The following AHCY variants were observed in gnomAD, a reference collection of about 807,000 sequenced individuals.
The protein encoded by AHCY is S-adenosyl-L-homocysteine hydrolase.
Under a neutral mutation model 45.4 loss-of-function variants are expected in AHCY, and 24 were observed. The ratio of observed to expected loss-of-function variants is 0.53; its 90% CI spans 0.38 to 0.74. The LOEUF (loss-of-function observed/expected upper bound fraction) is 0.74. AHCY is among the 30% of genes least tolerant of loss of function. AHCY has a pLI of 0.00. For synonymous variants in AHCY, 245 were observed against 235.1 expected, an observed-to-expected ratio of 1.04 and a Z score of -0.39; for missense variants, 449 against 594.1, an observed-to-expected ratio of 0.76 and a Z score of 2.54.
intron 1 of AHCY, among the ~76,000 whole-genome samples, chr20:34,295,849 G>A (rs2036562511): frequency 6.6e-6 from 1 of 152,092 alleles, no homozygotes; most frequent in Non-Finnish European, 1.5e-5. Context: ...ACATAAAGAA[G>A]CGTCCCTTTG....
At position 34,303,308 on chromosome 20, in the gene AHCY, TG is replaced by T. The variant is rs1252356467; in HGVS notation, c.-39del. ...CGTGATGGAAACGGGCGAAGGGGGCTGGGCCTCAGTCTGGGAACAGGAACTG... is the reference window on the plus strand; with the variant it reads ...CGTGATGGAAACGGGCGAAGGGGGCTGGCCTCAGTCTGGGAACAGGAACTG... On this transcript the variant is annotated 5_prime_UTR_variant, in exon 1 of 10. Coordinates refer to ENST00000217426, the MANE Select transcript of AHCY (RefSeq NM_000687.4). 17 of 1,551,582 alleles carry T rather than the reference TG, an allele frequency of 1.1e-5. No individual in the cohort carries two copies. The highest frequency in any genetic ancestry group is 1.5e-5 in the Non-Finnish European group (17 of 1,146,966).
chr20:34,299,582 C>T (rs770163025), intron 1 of AHCY, among the ~76,000 whole-genome samples: 10 of 152,164 alleles, frequency 6.6e-5, no homozygotes, highest in Non-Finnish European at 1.5e-4. Context: ...TATTTATATC[C>T]AGCCCAAACT....
At chr20:34,269,023 C>T in the AHCY span, 12 of 1,608,122 alleles carry the variant, frequency 7.5e-6, no homozygotes, top group African/African-American at 2.7e-5. Flanking sequence ...TGGTGCGGCC[C>T]CGGACCCCCC....
At chr20:34,262,824 CTT>C in the AHCY span, 1 of 1,613,838 alleles carries the variant, frequency 6.2e-7, no homozygotes, top group East Asian at 2.2e-5. Context: ...TTTTGTCTCT[CTT>C]TGAAGCGCTG....
the AHCY span, chr20:34,250,169 G>A: frequency 1.3e-5 from 2 of 152,224 alleles, no homozygotes; most frequent in East Asian, 3.9e-4. Flanking sequence ...GACTAACTGA[G>A]CCCAGTCACC....
the AHCY span, among the ~76,000 whole-genome samples, chr20:34,270,397 T>C: frequency 6.6e-6 from 1 of 152,216 alleles, no homozygotes. Flanking sequence ...TTTTCTGTTA[T>C]TTAGGTTGCA....
At chr20:34,310,701 T>G (rs183584302) in intron 1 of AHCY, among the ~76,000 whole-genome samples, 138 of 152,346 alleles carry the variant, frequency 9.1e-4, no homozygotes, top group Middle Eastern at 6.8e-3. Flanking sequence ...ATTTTTTTGT[T>G]TAAATGAGCT....
upstream of AHCY, among the ~76,000 whole-genome samples, chr20:34,304,031 G>T (rs931424751): frequency 6.6e-6 from 1 of 152,150 alleles, no homozygotes; most frequent in Non-Finnish European, 1.5e-5. Context: ...GTTGCCATTT[G>T]TCAGGTACCT....
chr20:34,292,300 G>A (rs892414163), intron 4 of AHCY, 58 bp downstream of exon 4: 2 of 1,587,304 alleles, frequency 1.3e-6, no homozygotes, highest in African/African-American at 2.7e-5. Context: ...CCATCATGTG[G>A]GCAAACAGGC....
chr20:34,293,704 C>T, intron 3 of AHCY: 1 of 362,754 alleles, frequency 2.8e-6, no homozygotes, highest in South Asian at 2.2e-5. Flanking sequence ...TTGGTCCTTC[C>T]TCAGTCCTTT....
intron 9 of AHCY, among the ~76,000 whole-genome samples, chr20:34,283,267 T>C (rs1568785553): frequency 6.6e-6 from 1 of 152,190 alleles, no homozygotes. Flanking sequence ...AGCTAGGTTC[T>C]ATTCCTGGCC....
the AHCY span, among the ~76,000 whole-genome samples, chr20:34,258,660 T>G: frequency 8.9e-6 from 1 of 112,014 alleles, no homozygotes; most frequent in Non-Finnish European, 1.8e-5. Context: ...GTTAATATCT[T>G]AGAAGGGGGA....
At chr20:34,302,906 G>A (rs1377566515) in intron 1 of AHCY, 15 of 985,454 alleles carry the variant, frequency 1.5e-5, no homozygotes, top group Non-Finnish European at 1.7e-5. Flanking sequence ...GCCGGGCGCA[G>A]GCCCCCCGAG....
chr20:34,302,509 TA>T, intron 1 of AHCY: 1 of 758,298 alleles, frequency 1.3e-6, no homozygotes, highest in Non-Finnish European at 1.6e-6. Flanking sequence ...ATTCTCATCA[TA>T]AAATGAGAAC....
At chr20:34,302,754 C>A (rs2036820700) in intron 1 of AHCY, 3 of 990,854 alleles carry the variant, frequency 3.0e-6, no homozygotes, top group East Asian at 1.1e-4. Flanking sequence ...AGAGGAGGAT[C>A]GGAGCCGGCC....
the AHCY span, among the ~76,000 whole-genome samples, chr20:34,258,760 GAT>G: frequency 1.4e-5 from 1 of 70,316 alleles, no homozygotes; most frequent in Non-Finnish European, 2.7e-5. Context: ...TATAATATAT[GAT>G]ATATATAATA....
chr20:34,258,911 T>TACAC, the AHCY span, among the ~76,000 whole-genome samples: 35 of 129,546 alleles, frequency 2.7e-4, no homozygotes, highest in African/African-American at 1.1e-3. Context: ...TATATATATA[T>TACAC]ACACACATAC....
the AHCY span, among the ~76,000 whole-genome samples, chr20:34,258,682 T>TATATATATATATATATATATATATAC: frequency 4.2e-5 from 3 of 71,074 alleles, no homozygotes; most frequent in Non-Finnish European, 6.6e-5. Flanking sequence ...GCCATATATA[T>TATATATATATATATATATATATATAC]ATATATATAC....
At chr20:34,276,964 C>G (rs1450112083), downstream of AHCY, among the ~76,000 whole-genome samples, 1 of 152,090 alleles carries the variant, frequency 6.6e-6, no homozygotes, top group Non-Finnish European at 1.5e-5. Flanking sequence ...TTTCCTGGAA[C>G]CTCAGACTCC....
Sources: allele counts gnomAD v4.1 joint callset (sites outside exome capture counted in the v4.1 genomes callset), GRCh38; gene constraint gnomAD v4.1.1; transcripts MANE v1.5; gene names NCBI Gene and HGNC (gene_info 2026-07-23, HGNC 2026-07-21).